Variants in CTDSPL observed in about 807,000 individuals in gnomAD.
CTDSPL encodes the protein CTD small phosphatase-like protein.
A neutral mutation model predicts 30.5 loss-of-function variants in CTDSPL; 8 were observed. The observed-to-expected ratio is 0.26, with a 90% CI of 0.15 to 0.47. CTDSPL has a LOEUF of 0.47. Ranked by LOEUF, CTDSPL falls within the 20% of genes least tolerant of loss-of-function variation. The pLI is 0.99. For missense variants in CTDSPL, 248 were observed against 366.1 expected, an observed-to-expected ratio of 0.68 and a Z score of 2.63; for synonymous variants, 110 against 137.9, an observed-to-expected ratio of 0.80 and a Z score of 1.42.
chr3:37,961,942 C>T (rs1164316989), intron 3 of CTDSPL, among the ~76,000 whole-genome samples: 1 of 152,156 alleles, frequency 6.6e-6, no homozygotes, highest in Non-Finnish European at 1.5e-5. Flanking sequence ...AGATTTACTC[C>T]CAGGAAAGGA....
intron 1 of CTDSPL, among the ~76,000 whole-genome samples, chr3:37,912,708 G>A (rs367961083): frequency 1.3e-5 from 2 of 152,340 alleles, no homozygotes. Flanking sequence ...AGCCTGGCAA[G>A]TTAGTAACTT....
At chr3:37,940,926 CT>C (rs1698970860) in intron 1 of CTDSPL, among the ~76,000 whole-genome samples, 1 of 150,452 alleles carries the variant, frequency 6.6e-6, no homozygotes. Flanking sequence ...ATTTGGAAGG[CT>C]TCCTGTCTTG....
At chr3:37,931,062 G>A (rs889462795) in intron 1 of CTDSPL, among the ~76,000 whole-genome samples, 9 of 150,686 alleles carry the variant, frequency 6.0e-5, no homozygotes, top group African/African-American at 2.2e-4. Flanking sequence ...GCCTATGTGT[G>A]TCTTTAAATC....
intron 3 of CTDSPL, among the ~76,000 whole-genome samples, chr3:37,963,228 T>G (rs1270226249): frequency 6.6e-6 from 1 of 152,192 alleles, no homozygotes; most frequent in African/African-American, 2.4e-5. Flanking sequence ...TTAGAAATGC[T>G]TATGTCTCCA....
chr3:37,896,587 A>G (rs1166100579), intron 1 of CTDSPL, among the ~76,000 whole-genome samples: 1 of 151,530 alleles, frequency 6.6e-6, no homozygotes, highest in Non-Finnish European at 1.5e-5. Flanking sequence ...CCCAGGCTGG[A>G]GTGCAGTGGT....
At chr3:37,863,111 C>T (rs544089206) in intron 1 of CTDSPL, among the ~76,000 whole-genome samples, 5 of 152,296 alleles carry the variant, frequency 3.3e-5, no homozygotes, top group South Asian at 2.1e-4. Flanking sequence ...CGGAGCCATC[C>T]CCGCTTTCTC....
chr3:37,957,920 G>A (rs1699192984), intron 3 of CTDSPL, among the ~76,000 whole-genome samples: 2 of 152,328 alleles, frequency 1.3e-5, no homozygotes, highest in Non-Finnish European at 1.5e-5. Context: ...CAGTTGAGAT[G>A]CCTGTATCAA....
At chr3:37,877,810 G>C (rs1698155691) in intron 1 of CTDSPL, among the ~76,000 whole-genome samples, 1 of 152,176 alleles carries the variant, frequency 6.6e-6, no homozygotes, top group South Asian at 2.1e-4. Context: ...GGGACGGCAA[G>C]AGAGGAAGCA....
intron 1 of CTDSPL, among the ~76,000 whole-genome samples, chr3:37,917,710 C>G (rs2300666): frequency 0.25 from 38,102 of 152,118 alleles, 6,541 homozygotes; most frequent in African/African-American, 0.49. Context: ...CTGCTGCCCT[C>G]AGCCACAAAC....
intron 3 of CTDSPL, among the ~76,000 whole-genome samples, chr3:37,963,336 A>G (rs1231123876): frequency 2.6e-5 from 4 of 152,210 alleles, no homozygotes; most frequent in African/African-American, 9.6e-5. Flanking sequence ...CCTGTGTTAC[A>G]TTTACTATTG....
rs1341429725 is a variant in CTDSPL, at chr3:37,967,836, A to G, written c.380A>G (p.Asn127Ser). Residue 127 changes from asparagine (N) to serine (S), a missense_variant, in exon 5 of 8, where the codon AAT becomes AGT. Asn to Ser is a conservative substitution (Grantham distance 46). Transcript: ENST00000273179. ...CTCTTTTTTCTCTAGCCTATTAGTA[A>G]TGCTGATTTTATTGTTCCGGTTGAA... is the stretch of plus-strand genomic sequence containing the variant. ...LVHSSFKPIS[N>S]ADFIVPVEID... 6.3e-7 allele frequency: 1 copy of G among 1,597,844 alleles called. No homozygotes were observed. Among genetic ancestry groups the G allele is most frequent in the Admixed American group, 1.8e-5 (1 of 57,120 alleles).
intron 2 of CTDSPL, among the ~76,000 whole-genome samples, chr3:37,951,083 A>T (rs1699101596): frequency 6.6e-6 from 1 of 152,174 alleles, no homozygotes; most frequent in Non-Finnish European, 1.5e-5. Context: ...AATGTTAGAA[A>T]TGGGCTGGGT....
chr3:37,960,497 AAAAAAAAAATATAT>A (rs1257507273), intron 3 of CTDSPL, among the ~76,000 whole-genome samples: 9 of 66,906 alleles, frequency 1.3e-4, no homozygotes, highest in African/African-American at 6.3e-4. Context: ...AAAAAAAAAA[AAAAAAAAAATATAT>A]ATATATATAT....
At chr3:37,958,906 C>T (rs78454338) in intron 3 of CTDSPL, among the ~76,000 whole-genome samples, 3,548 of 152,326 alleles carry the variant, frequency 0.023, 49 homozygotes, top group African/African-American at 0.045. Flanking sequence ...CCAGTCCATC[C>T]GGGCCAGCTC....
At chr3:37,969,217 T>C (rs7372209) in intron 5 of CTDSPL, among the ~76,000 whole-genome samples, 117,288 of 152,258 alleles carry the variant, frequency 0.77, 46,255 homozygotes, top group African/African-American at 0.94. Flanking sequence ...ATTAATCCTT[T>C]GTACCACGTG....
At chr3:37,884,741 A>T (rs768591121) in intron 1 of CTDSPL, among the ~76,000 whole-genome samples, 2 of 152,138 alleles carry the variant, frequency 1.3e-5, no homozygotes, top group Non-Finnish European at 2.9e-5. Context: ...CTTTCCAGAA[A>T]GGAGGAAAAG....
chr3:37,917,616 C>T (rs201909086), intron 1 of CTDSPL, among the ~76,000 whole-genome samples: 2 of 152,104 alleles, frequency 1.3e-5, no homozygotes, highest in Non-Finnish European at 2.9e-5. Flanking sequence ...TACTATTAAA[C>T]GTTTCCATTT....
rs1446389473 is a variant in CTDSPL, at chr3:37,935,818, C to A, written c.80-11239C>A. On this transcript the variant is annotated intron_variant, in intron 1 of 7. Transcript: ENST00000273179. ...TCTATGGAAATTAGATCAAAACCTA[C>A]AAGAGTCCCAGGGAAAGGTAGGGAG... is the stretch of plus-strand genomic sequence containing the variant. Among the ~76,000 whole-genome samples the A allele has an allele frequency of 1.2e-4, 19 of 152,114 alleles. 1 individual carries two copies. The highest frequency in any genetic ancestry group is 1.2e-3 in the Admixed American group (19 of 15,278).
intron 1 of CTDSPL, among the ~76,000 whole-genome samples, chr3:37,903,431 A>T (rs1698475274): frequency 6.6e-6 from 1 of 152,158 alleles, no homozygotes; most frequent in African/African-American, 2.4e-5. Flanking sequence ...TATGAGGCTG[A>T]TTTTGGAAGC....
Sources: allele counts gnomAD v4.1 joint callset (sites outside exome capture counted in the v4.1 genomes callset), GRCh38; gene constraint gnomAD v4.1.1; transcripts MANE v1.5; gene names NCBI Gene and HGNC (gene_info 2026-07-23, HGNC 2026-07-21).